The following CUX1 variants were observed in gnomAD, a reference collection of about 807,000 sequenced individuals.
CUX1 encodes cut like homeobox 1.
CUX1 carries 31 observed loss-of-function variants against 158.8 expected under a neutral mutation model. The observed-to-expected ratio is 0.20, with a 90% CI of 0.15 to 0.26. The LOEUF (loss-of-function observed/expected upper bound fraction) is 0.26. Ranked by LOEUF, CUX1 falls within the 10% of genes least tolerant of loss-of-function variation. The probability of loss-of-function intolerance (pLI) is 1.00; values close to 1 mark genes in which losing one functional copy is unlikely to be tolerated. For missense variants in CUX1, 1,589 were observed against 2,014.6 expected, an observed-to-expected ratio of 0.79 and a Z score of 4.04; for synonymous variants, 879 against 862.1, an observed-to-expected ratio of 1.02 and a Z score of -0.34.
rs1554538452 is a variant in CUX1 at position 102,248,966 on chromosome 7, C to T, written c.4442C>T (p.Ala1481Val). 3.4e-6 allele frequency: 5 copies of T among 1,478,292 alleles called. No individual in the cohort carries two copies. Among genetic ancestry groups the T allele is most frequent in the Non-Finnish European group, 4.5e-6 (5 of 1,108,770 alleles). The allele number at this position is 1,478,292 out of a possible 1,614,324, so 91.6% of individuals were successfully genotyped here. ...SRDNPLRKKK[A>V]ANLNSIIHRL... ...GACAACCCCCTGCGCAAGAAGAAGG[C>T]CGCGAACTTGAACAGCATCATCCAC... The change falls in exon 24 of 24, where the codon GCC becomes GTC. Residue 1481 changes from alanine (A) to valine (V), a missense_variant. Physicochemically the swap from Ala to Val is moderately conservative, Grantham distance 64. Around this residue, in one of 8 missense-constraint regions of CUX1, gnomAD observed 344 missense variants for 323.7 expected, o/e 1.06. Transcript: ENST00000292535. This position sits in a 1 kb window ranked among gnomAD's most constrained non-coding sequence, Gnocchi z 5.8.
intron 1 of CUX1, among the ~76,000 whole-genome samples, chr7:101,906,950 C>G (rs546026514): frequency 6.6e-6 from 1 of 152,286 alleles, no homozygotes; most frequent in African/African-American, 2.4e-5. Flanking sequence ...TGTGGAAACC[C>G]TGGCTTCCTG....
chr7:101,950,068 T>G (rs938551490), intron 2 of CUX1, among the ~76,000 whole-genome samples: 1 of 152,168 alleles, frequency 6.6e-6, no homozygotes. Context: ...AGTGCAATGC[T>G]GGCGCGATCT....
intron 1 of CUX1, among the ~76,000 whole-genome samples, chr7:101,842,093 C>T (rs1203537680): frequency 6.6e-6 from 1 of 151,052 alleles, no homozygotes; most frequent in Non-Finnish European, 1.5e-5. Flanking sequence ...TGACACTTTT[C>T]TTTAATGGCT....
intron 2 of CUX1, among the ~76,000 whole-genome samples, chr7:101,983,769 A>G (rs958306750): frequency 1.3e-5 from 2 of 152,048 alleles, no homozygotes; most frequent in Non-Finnish European, 2.9e-5. Context: ...ACTCATTACC[A>G]GGAGGTGGGC....
intron 21 of CUX1, among the ~76,000 whole-genome samples, chr7:102,229,713 G>A (rs1391677918): frequency 6.7e-6 from 1 of 150,172 alleles, no homozygotes; most frequent in Non-Finnish European, 1.5e-5. Context: ...TGCCTCCTGG[G>A]TTCAGGCGAT....
intron 1 of CUX1, among the ~76,000 whole-genome samples, chr7:101,842,453 T>C (rs1236381776): frequency 6.6e-6 from 1 of 152,244 alleles, no homozygotes; most frequent in Non-Finnish European, 1.5e-5. Flanking sequence ...AGTGGCGTGA[T>C]CTCTGCTCAC....
intron 2 of CUX1, among the ~76,000 whole-genome samples, chr7:101,962,801 G>A (rs1177143713): frequency 6.6e-6 from 1 of 152,064 alleles, no homozygotes; most frequent in Non-Finnish European, 1.5e-5. Context: ...GCTCACTGCA[G>A]CCTCAAACTC....
chr7:102,115,532 A>G, intron 8 of CUX1: 1 of 375,500 alleles, frequency 2.7e-6, no homozygotes, highest in Non-Finnish European at 4.7e-6. Flanking sequence ...TAGTTTATAT[A>G]AGATGTGACA....
chr7:101,895,184 C>A (rs1801338045), intron 1 of CUX1, among the ~76,000 whole-genome samples: 1 of 151,998 alleles, frequency 6.6e-6, no homozygotes, highest in African/African-American at 2.4e-5. Context: ...CCACGCCTGG[C>A]TAATTTTTGT....
intron 8 of CUX1, among the ~76,000 whole-genome samples, chr7:102,134,887 C>T (rs1283583967): frequency 2.0e-5 from 3 of 152,140 alleles, no homozygotes; most frequent in African/African-American, 4.8e-5. Context: ...GGAGTCACAG[C>T]GCCAGGTCCC....
At chr7:101,967,014 A>T (rs983566464) in intron 2 of CUX1, among the ~76,000 whole-genome samples, 2 of 151,372 alleles carry the variant, frequency 1.3e-5, no homozygotes, top group African/African-American at 2.4e-5. Context: ...ATTTTATTTT[A>T]TTTTATTTTA....
rs140466888 is a variant in CUX1 at position 101,867,336 on chromosome 7, G to A, written c.31-48779G>A. Among the ~76,000 whole-genome samples the A allele has an allele frequency of 6.9e-3, 1,055 of 152,308 alleles. 12 individuals are homozygous for A. The highest frequency in any genetic ancestry group is 0.023 in the African/African-American group (976 of 41,562). ...ATCAGCGGACACACTCAAGGGTTTCGTAATGTGCTCGCCCTGCCCCAGGCA... is the reference window on the plus strand; with the variant it reads ...ATCAGCGGACACACTCAAGGGTTTCATAATGTGCTCGCCCTGCCCCAGGCA... On this transcript the variant is annotated intron_variant, in intron 1 of 23. Transcript: ENST00000292535.
chr7:102,136,258 G>A (rs1359250741), intron 8 of CUX1, among the ~76,000 whole-genome samples: 2 of 151,478 alleles, frequency 1.3e-5, no homozygotes, highest in Non-Finnish European at 2.9e-5. Context: ...TCTTGATGAC[G>A]TCTCCTTGTT....
At chr7:102,133,165 C>CA (rs1274212283) in intron 8 of CUX1, among the ~76,000 whole-genome samples, 1 of 152,124 alleles carries the variant, frequency 6.6e-6, no homozygotes, top group African/African-American at 2.4e-5. Flanking sequence ...AGGGAAAGTC[C>CA]AAAATCACAG....
At chr7:102,258,980 G>A (rs570092631), downstream of CUX1, among the ~76,000 whole-genome samples, 57 of 152,282 alleles carry the variant, frequency 3.7e-4, no homozygotes, top group Admixed American at 9.2e-4. Flanking sequence ...GCTGTTGCTC[G>A]TCTTGGGTTG....
rs373668376 is a variant in CUX1 at position 101,957,271 on chromosome 7, C to T, written c.141+41046C>T. Among the ~76,000 whole-genome samples, 7 of 152,242 alleles carry T rather than the reference C, an allele frequency of 4.6e-5. No individual in the cohort carries two copies. In the South Asian group the frequency reaches 1.2e-3, roughly 27 times the overall value. ...ACATACAGCACAATAGATGCAAATACCTGCACATCACACAAGGGCTGGTGA... is the reference window on the plus strand; with the variant it reads ...ACATACAGCACAATAGATGCAAATATCTGCACATCACACAAGGGCTGGTGA... On this transcript the variant is annotated intron_variant, in intron 2 of 23. Transcript: ENST00000292535.
At chr7:101,900,221 G>A (rs964672272) in intron 1 of CUX1, among the ~76,000 whole-genome samples, 12 of 152,140 alleles carry the variant, frequency 7.9e-5, no homozygotes, top group African/African-American at 2.9e-4. Context: ...GATTGACGCG[G>A]CCCCTTTAAA....
At position 102,254,981 on chromosome 7, in the gene CUX1, G is replaced by A. The variant is rs782074227; in HGVS notation, c.*5939G>A. ...TCTGTGAAACCCTTAGAGATGGGCT[G>A]AAAGTTAAGTCCACCAACCCTTGGG... On this transcript the variant is annotated 3_prime_UTR_variant, in exon 24 of 24. Transcript: ENST00000292535. The A allele has an allele frequency of 1.1e-4, 106 of 985,332 alleles. No homozygotes were observed. The highest frequency in any genetic ancestry group is 1.3e-4 in the Non-Finnish European group (106 of 829,974). The allele number at this position is 985,332 out of a possible 1,614,324, so 61.0% of individuals were successfully genotyped here.
In CUX1 at chr7:102,004,593, C is replaced by T. The variant is rs75217761; in HGVS notation, c.142-23505C>T. 4.5e-3 allele frequency among the ~76,000 whole-genome samples: 683 copies of T among 152,218 alleles called. 6 individuals carry two copies. Among genetic ancestry groups the T allele is most frequent in the Non-Finnish European group, 6.0e-3 (406 of 68,028 alleles). ...TCACATCTCAGTTGATATTCACAGC[C>T]ACCATTGAGCTAGAGTCATTCCCAG... is the stretch of plus-strand genomic sequence containing the variant. On this transcript the variant is annotated intron_variant, in intron 2 of 23. Coordinates refer to ENST00000292535, the MANE Select transcript of CUX1 (RefSeq NM_181552.4).
Sources: allele counts gnomAD v4.1 joint callset (sites outside exome capture counted in the v4.1 genomes callset), GRCh38; gene constraint gnomAD v4.1.1; regional missense constraint gnomAD v4.1.1; non-coding constraint Gnocchi (gnomAD v3.1); transcripts MANE v1.5; gene names NCBI Gene and HGNC (gene_info 2026-07-23, HGNC 2026-07-21).